The following PLSCR1 variants were observed in gnomAD, a reference collection of about 807,000 sequenced individuals.
PLSCR1 encodes the protein PL scramblase 1.
Under a neutral mutation model 37.8 loss-of-function variants are expected in PLSCR1, and 17 were observed. The ratio of observed to expected loss-of-function variants is 0.45; its 90% CI spans 0.31 to 0.68. The LOEUF (loss-of-function observed/expected upper bound fraction) is 0.68, where lower values mean the gene tolerates loss of function less well. Among genes scored for constraint, PLSCR1 ranks in the 30% least tolerant of loss-of-function variants. The pLI, the probability that PLSCR1 is intolerant of heterozygous loss-of-function variation, is 0.06. For missense variants in PLSCR1, 347 were observed against 380.9 expected, an observed-to-expected ratio of 0.91 and a Z score of 0.74; for synonymous variants, 116 against 125.9, an observed-to-expected ratio of 0.92 and a Z score of 0.53.
rs557744965 is a variant in PLSCR1 at position 146,529,982 on chromosome 3, T to C, written c.95-1151A>G. ...TTAAATTTCACAATTTAACATCCTT[T>C]GGTCTCTGGAAAATATAATTTGAGA... On this transcript the variant is annotated intron_variant, in intron 3 of 8. Coordinates refer to ENST00000342435, the MANE Select transcript of PLSCR1 (RefSeq NM_021105.3). 1.1e-3 allele frequency among the ~76,000 whole-genome samples: 166 copies of C among 152,334 alleles called. 1 individual carries two copies. Among genetic ancestry groups the C allele is most frequent in the Non-Finnish European group, 1.9e-3 (130 of 68,040 alleles).
In PLSCR1 at chr3:146,527,821, ATG is replaced by A. The variant is rs2044139289; in HGVS notation, c.312+791_312+792del. The A allele has an allele frequency of 2.6e-5, 4 of 152,352 alleles. No homozygotes were observed. In the South Asian group the frequency reaches 8.3e-4, roughly 32 times the overall value. The allele number at this position is 152,352 out of a possible 1,614,324, so 9.4% of individuals were successfully genotyped here. A position where few individuals can be genotyped will look rare whatever the true frequency, so the allele number is the denominator to read the frequency against. ...GGTTGAATATCACAAGAATATTTGT[ATG>A]TGTATAGACTGGACACACAGAGTTT... On this transcript the variant is annotated intron_variant, in intron 4 of 8. Transcript: ENST00000342435.
intron 2 of PLSCR1, among the ~76,000 whole-genome samples, chr3:146,535,780 A>C (rs957326074): frequency 3.3e-5 from 5 of 152,186 alleles, no homozygotes; most frequent in South Asian, 2.1e-4. Context: ...GAAAATCATA[A>C]AACTTCACAT....
intron 4 of PLSCR1, among the ~76,000 whole-genome samples, chr3:146,526,970 T>C (rs1362512568): frequency 6.6e-6 from 1 of 152,168 alleles, no homozygotes. Context: ...TGAAACCGTC[T>C]CTACTAAAAA....
intron 2 of PLSCR1, among the ~76,000 whole-genome samples, chr3:146,535,707 A>C (rs59690244): frequency 0.05 from 7,666 of 152,258 alleles, 649 homozygotes; most frequent in African/African-American, 0.17. Context: ...GTCTGTGGCA[A>C]ATAAACCAGT....
At chr3:146,525,082 T>C (rs2044088532) in intron 5 of PLSCR1, among the ~76,000 whole-genome samples, 1 of 152,192 alleles carries the variant, frequency 6.6e-6, no homozygotes, top group Non-Finnish European at 1.5e-5. Context: ...TGCTCTTCTA[T>C]GAAGCCAAGC....
At chr3:146,542,761 T>C (rs911682837) in intron 1 of PLSCR1, among the ~76,000 whole-genome samples, 4 of 152,158 alleles carry the variant, frequency 2.6e-5, no homozygotes, top group African/African-American at 9.7e-5. Context: ...GATACACATA[T>C]ATACACATAG....
chr3:146,532,928 A>T (rs992846420), intron 3 of PLSCR1, among the ~76,000 whole-genome samples: 47 of 152,190 alleles, frequency 3.1e-4, no homozygotes, highest in Admixed American at 3.1e-3. Flanking sequence ...CATATATATA[A>T]AAATAAAGCT....
chr3:146,519,109 A>G lies in PLSCR1; in HGVS notation c.739-1942T>C, dbSNP rs530839935. Among the ~76,000 whole-genome samples the G allele has an allele frequency of 7.9e-4, 120 of 152,258 alleles. 1 individual carries two copies. Among genetic ancestry groups the G allele is most frequent in the Non-Finnish European group, 2.2e-4 (15 of 67,994 alleles). On this transcript the variant is annotated intron_variant, in intron 7 of 8. Transcript: ENST00000342435. The stretch of plus-strand genomic sequence containing the variant: ...TGATTTATTTATTTACTGTTATTAC[A>G]CCCAATTTTCATGTAAAAAAACTAA...
intron 3 of PLSCR1, 43 bp from the exon 4 acceptor site, chr3:146,528,874 A>G (rs2108644934): frequency 6.8e-7 from 1 of 1,476,326 alleles, no homozygotes; most frequent in Middle Eastern, 1.8e-4. Context: ...TGCACCAAAA[A>G]TGGAATTGTC....
At chr3:146,542,313 T>C (rs1317974490) in intron 1 of PLSCR1, among the ~76,000 whole-genome samples, 2 of 152,128 alleles carry the variant, frequency 1.3e-5, no homozygotes, top group African/African-American at 2.4e-5. Context: ...GTCTATAGAC[T>C]AGTTGATTTG....
At chr3:146,519,234 C>T (rs943679281) in intron 7 of PLSCR1, among the ~76,000 whole-genome samples, 1 of 152,066 alleles carries the variant, frequency 6.6e-6, no homozygotes, top group Non-Finnish European at 1.5e-5. Context: ...ATACTCTTGA[C>T]CATTAGGATT....
In PLSCR1 at chr3:146,517,140, C is replaced by A; in HGVS notation, c.766G>T (p.Val256Phe). ...EIKSLDEQCV[V>F]GKISKHWTGI... The stretch of plus-strand genomic sequence containing the variant: ...GTCCAGTGCTTGGAAATTTTGCCAA[C>A]CACACACTGTTCATCAAGAGATTTA... The change falls in exon 8 of 9, where the codon GTT becomes TTT. Residue 256 changes from valine (V) to phenylalanine (F), a missense_variant. Val to Phe is a conservative substitution (Grantham distance 50). Coordinates refer to ENST00000342435, the MANE Select transcript of PLSCR1 (RefSeq NM_021105.3). 1 of 1,568,626 alleles carries A rather than the reference C, an allele frequency of 6.4e-7. No homozygotes were observed. Among genetic ancestry groups the A allele is most frequent in the Non-Finnish European group, 8.6e-7 (1 of 1,160,848 alleles).
At chr3:146,522,427 A>G (rs1455045705) in intron 5 of PLSCR1, among the ~76,000 whole-genome samples, 2 of 151,700 alleles carry the variant, frequency 1.3e-5, no homozygotes, top group Non-Finnish European at 2.9e-5. Context: ...GTGCTGTGTC[A>G]ATTTAGGGTT....
chr3:146,519,831 A>G (rs910253465), intron 7 of PLSCR1, among the ~76,000 whole-genome samples: 3 of 152,144 alleles, frequency 2.0e-5, no homozygotes, highest in Non-Finnish European at 2.9e-5. Flanking sequence ...AACTTGGCCA[A>G]TGTAATATCA....
In PLSCR1 at chr3:146,521,713, G is replaced by C. The variant is rs776044021; in HGVS notation, c.577-8C>G. ...AGGAGCTTGGATTTCTATCTACAAA[G>C]GCAAAATAATATATGTAAATGTAAT... On this transcript the variant is annotated splice_region_variant and splice_polypyrimidine_tract_variant and intron_variant, in intron 6 of 8. Coordinates refer to ENST00000342435, the MANE Select transcript of PLSCR1 (RefSeq NM_021105.3). The C allele has an allele frequency of 6.2e-7, 1 of 1,608,712 alleles. No individual in the cohort carries two copies. The highest frequency in any genetic ancestry group is 8.5e-7 in the Non-Finnish European group (1 of 1,175,686).
chr3:146,540,399 G>A lies in PLSCR1; in HGVS notation c.-13-3834C>T, dbSNP rs143713956. Among the ~76,000 whole-genome samples, 505 of 152,204 alleles carry A rather than the reference G, an allele frequency of 3.3e-3. 3 individuals are homozygous for A. The highest frequency in any genetic ancestry group is 0.03 in the South Asian group (145 of 4,812). On this transcript the variant is annotated intron_variant, in intron 1 of 8. Transcript: ENST00000342435. ...TGATAACTGTAACCTCTACTACCAC[G>A]AAGAGGAAGACACAGCACAGGGGAT...
At chr3:146,526,183 C>CAAAAAAAAAAAAAA (rs60229241) in intron 4 of PLSCR1, among the ~76,000 whole-genome samples, 13 of 42,804 alleles carry the variant, frequency 3.0e-4, no homozygotes, top group East Asian at 9.1e-4. Flanking sequence ...GACTCCATCT[C>CAAAAAAAAAAAAAA]AAAAAAAAAA....
chr3:146,532,530 A>G (rs559662618), intron 3 of PLSCR1, among the ~76,000 whole-genome samples: 2 of 152,356 alleles, frequency 1.3e-5, no homozygotes, highest in Admixed American at 1.3e-4. Flanking sequence ...TCTAGCTCAT[A>G]TTCTTTCAGT....
rs776884794 is a variant in PLSCR1 at position 146,521,744 on chromosome 3, T to A, written c.577-39A>T. The A allele has an allele frequency of 1.9e-6, 3 of 1,587,184 alleles. No homozygotes were observed. The South Asian group carries it at 3.3e-5, about 18-fold the overall frequency. On this transcript the variant is annotated intron_variant, in intron 6 of 8. Coordinates refer to ENST00000342435, the MANE Select transcript of PLSCR1 (RefSeq NM_021105.3). ...ATAATATATGTAAATGTAATAATCA[T>A]AATGCCTAGGTTCGATGAAAGGTTC... is the stretch of plus-strand genomic sequence containing the variant.
Sources: allele counts gnomAD v4.1 joint callset (sites outside exome capture counted in the v4.1 genomes callset), GRCh38; gene constraint gnomAD v4.1.1; transcripts MANE v1.5; gene names NCBI Gene and HGNC (gene_info 2026-07-23, HGNC 2026-07-21).